Variants in CABYR observed in about 807,000 individuals in gnomAD.
CABYR encodes calcium binding tyrosine phosphorylation regulated.
A neutral mutation model predicts 36.1 loss-of-function variants in CABYR; 31 were observed. The observed-to-expected ratio is 0.86, with a 90% CI of 0.64 to 1.16. The LOEUF (loss-of-function observed/expected upper bound fraction) is 1.16, where lower values mean the gene tolerates loss of function less well. Among genes scored for constraint, CABYR ranks in the 50% most tolerant of loss-of-function variants. CABYR has a pLI of 0.00. For synonymous variants in CABYR, 146 were observed against 160.7 expected (o/e 0.91, Z 0.69); for missense variants, 429 against 455.8 (o/e 0.94, Z 0.53).
chr18:24,159,352 C>T, intron 4 of CABYR, 120 bp from the exon 5 acceptor site: 1 of 705,766 alleles, frequency 1.4e-6, no homozygotes, highest in Non-Finnish European at 2.5e-6. Context: ...CTATAGCATG[C>T]TCTACGGTAC....
At chr18:24,150,345 C>T (rs2085587618) in intron 3 of CABYR, among the ~76,000 whole-genome samples, 1 of 152,238 alleles carries the variant, frequency 6.6e-6, no homozygotes, top group South Asian at 2.1e-4. Context: ...TGCTTTCCAC[C>T]TCCTACAGTC....
rs544024086 is a variant in CABYR, at chr18:24,147,362, T to C, written c.199+3949T>C. On this transcript the variant is annotated intron_variant, in intron 3 of 5. Transcript: ENST00000399496. The stretch of plus-strand genomic sequence containing the variant: ...ACTTACAGATGATCCAATTGACCCA[T>C]TGTACCCAATGGTGAATATTGAATG... 4.6e-5 allele frequency among the ~76,000 whole-genome samples: 7 copies of C among 151,718 alleles called. No homozygotes were observed. In the East Asian group the frequency reaches 9.7e-4, roughly 21 times the overall value.
chr18:24,142,339 T>C (rs1022574300), intron 1 of CABYR, among the ~76,000 whole-genome samples: 3 of 151,050 alleles, frequency 2.0e-5, no homozygotes, highest in African/African-American at 7.3e-5. Context: ...GCAGCATGTC[T>C]GAGAATATAT....
In CABYR at chr18:24,144,845, T is replaced by C. The variant is rs55675345; in HGVS notation, c.199+1432T>C. On this transcript the variant is annotated intron_variant, in intron 3 of 5. Transcript: ENST00000399496. ...TTTAAACCAAGATCAAGAACTGCTA[T>C]TGGGAAACAAGCATTTTAATGCAAG... 7.1e-3 allele frequency among the ~76,000 whole-genome samples: 1,084 copies of C among 152,338 alleles called. 12 individuals are homozygous for C. The highest frequency in any genetic ancestry group is 0.01 in the Non-Finnish European group (681 of 68,030).
intron 4 of CABYR, chr18:24,156,948 G>C (rs752058549): frequency 6.2e-7 from 1 of 1,611,224 alleles, no homozygotes; most frequent in South Asian, 1.1e-5. Flanking sequence ...TACTGCACCA[G>C]AAATTGAACC....
intron 5 of CABYR, 162 bp downstream of exon 5, chr18:24,160,231 C>A: frequency 1.6e-6 from 1 of 609,042 alleles, no homozygotes; most frequent in African/African-American, 1.8e-5. Flanking sequence ...TTCCTAAACA[C>A]CAGTTACTAA....
At chr18:24,157,807 C>T (rs2085831885) in intron 4 of CABYR, among the ~76,000 whole-genome samples, 1 of 152,180 alleles carries the variant, frequency 6.6e-6, no homozygotes, top group African/African-American at 2.4e-5. Context: ...TTGGTCTGCT[C>T]ACCTTCCTGC....
chr18:24,157,302 T>C (rs1025069131), intron 4 of CABYR, among the ~76,000 whole-genome samples: 2 of 152,232 alleles, frequency 1.3e-5, no homozygotes, highest in African/African-American at 4.8e-5. Flanking sequence ...ACAAAATATA[T>C]TCATGTGATC....
chr18:24,157,516 G>T (rs1045261060), intron 4 of CABYR, among the ~76,000 whole-genome samples: 2 of 152,202 alleles, frequency 1.3e-5, no homozygotes, highest in Admixed American at 6.5e-5. Flanking sequence ...ATGCGTTTGT[G>T]TTCTGCCTGG....
chr18:24,159,166 G>A (rs896385481), intron 4 of CABYR, among the ~76,000 whole-genome samples: 1 of 152,158 alleles, frequency 6.6e-6, no homozygotes, highest in African/African-American at 2.4e-5. Flanking sequence ...TTTCGTCTGC[G>A]AGGAGCCTAT....
intron 3 of CABYR, among the ~76,000 whole-genome samples, chr18:24,153,526 A>G (rs1287451944): frequency 6.6e-6 from 1 of 151,964 alleles, no homozygotes; most frequent in Non-Finnish European, 1.5e-5. Flanking sequence ...TAGCTGGTAC[A>G]TTCTTACCAG....
chr18:24,160,173 A>ATAAT (rs2085916084), intron 5 of CABYR, 104 bp downstream of exon 5: 4 of 874,762 alleles, frequency 4.6e-6, no homozygotes, highest in Admixed American at 4.8e-5. Flanking sequence ...ACAATTTGAG[A>ATAAT]TAATAAGTTG....
chr18:24,161,519 C>T lies in CABYR; in HGVS notation c.*3C>T. On this transcript the variant is annotated 3_prime_UTR_variant, in exon 6 of 6. Coordinates refer to ENST00000399496, the MANE Select transcript of CABYR (RefSeq NM_153769.3). Reference sequence around the variant, plus strand: ...ATGTTTGCATTATTCCTAACAGATCCAGAAATGACGCTGTCTGGGTCAACA... The same window carrying T: ...ATGTTTGCATTATTCCTAACAGATCTAGAAATGACGCTGTCTGGGTCAACA... 1 of 780,572 alleles carries T rather than the reference C, an allele frequency of 1.3e-6. No individual in the cohort carries two copies. Among genetic ancestry groups the T allele is most frequent in the Non-Finnish European group, 2.4e-6 (1 of 417,956 alleles). The allele number at this position is 780,572 out of a possible 1,614,324, so 48.4% of individuals were successfully genotyped here. A position where few individuals can be genotyped will look rare whatever the true frequency, so the allele number is the denominator to read the frequency against.
intron 3 of CABYR, chr18:24,148,544 TTGG>T (rs1407726917): frequency 6.3e-6 from 1 of 159,580 alleles, no homozygotes; most frequent in African/African-American, 2.4e-5. Context: ...GTGTCTGGAA[TTGG>T]TGGGTTCTTG....
chr18:24,160,225 T>TAAAC (rs1404016717), intron 5 of CABYR, 156 bp downstream of exon 5: 1 of 618,430 alleles, frequency 1.6e-6, no homozygotes, highest in East Asian at 2.7e-5. Context: ...TCCAACTTCC[T>TAAAC]AAACACCAGT....
chr18:24,158,479 C>T (rs1181767430), intron 4 of CABYR, among the ~76,000 whole-genome samples: 8 of 151,862 alleles, frequency 5.3e-5, no homozygotes, highest in African/African-American at 1.5e-4. Context: ...CCACCATGCC[C>T]GGCTAATTTT....
Position 24,159,892 on chromosome 18 carries a change from A to G in CABYR, c.962A>G (p.Gln321Arg), listed in dbSNP as rs765124062. 3.1e-6 allele frequency: 5 copies of G among 1,614,196 alleles called. No homozygotes were observed. In the South Asian group the frequency reaches 5.5e-5, roughly 18 times the overall value. ...CAGAATGCTAATCCTCCAAGTGGAC[A>G]AGATGTCCCCAGGCCAAAAAGCCCT... ...SPQNANPPSG[Q>R]DVPRPKSPVF... Residue 321 changes from glutamine to arginine, a missense_variant, in exon 5 of 6, where the codon CAA becomes CGA. Coordinates refer to ENST00000399496, the MANE Select transcript of CABYR (RefSeq NM_153769.3).
At chr18:24,150,499 A>T (rs918486283) in intron 3 of CABYR, 14 of 624,852 alleles carry the variant, frequency 2.2e-5, no homozygotes, top group Non-Finnish European at 2.6e-5. Context: ...ATCCTTAATC[A>T]GAATGAGATC....
At position 24,156,813 on chromosome 18, in the gene CABYR, GA is replaced by G. The variant is rs1183061944; in HGVS notation, c.541+775del. 2.5e-6 allele frequency: 4 copies of G among 1,613,982 alleles called. No homozygotes were observed. The East Asian group carries it at 8.9e-5, about 36-fold the overall frequency. On this transcript the variant is annotated intron_variant, in intron 4 of 5. Coordinates refer to ENST00000399496, the MANE Select transcript of CABYR (RefSeq NM_153769.3). ...CAATACTGGGCAGGAGGAGTCTGGG[GA>G]AAACTCTGTACCCCAGGAGATGGAA...
Sources: allele counts gnomAD v4.1 joint callset (sites outside exome capture counted in the v4.1 genomes callset), GRCh38; gene constraint gnomAD v4.1.1; transcripts MANE v1.5; gene names NCBI Gene and HGNC (gene_info 2026-07-23, HGNC 2026-07-21).